Variants in CALU observed in about 807,000 individuals in gnomAD.
CALU encodes the protein IEF SSP 9302.
A neutral mutation model predicts 37.5 loss-of-function variants in CALU; 13 were observed. That is an observed-to-expected ratio of 0.35 (90% CI 0.23 to 0.55). CALU has a LOEUF of 0.55. Ranked by LOEUF, CALU falls within the 20% of genes least tolerant of loss-of-function variation. The pLI is 0.89. For missense variants in CALU, 282 were observed against 391.7 expected (o/e 0.72, Z 2.36); for synonymous variants, 114 against 133.8 (o/e 0.85, Z 1.02).
intron 1 of CALU, among the ~76,000 whole-genome samples, chr7:128,743,865 G>GT (rs1158818065): frequency 6.6e-6 from 1 of 152,092 alleles, no homozygotes; most frequent in Non-Finnish European, 1.5e-5. Context: ...CATTAACTTT[G>GT]TATCATTTGG....
intron 1 of CALU, chr7:128,748,320 T>G (rs1403725328): frequency 2.8e-6 from 4 of 1,427,584 alleles, no homozygotes; most frequent in Non-Finnish European, 3.7e-6. Context: ...AAAGTGGACA[T>G]TTTAACTATA....
intron 2 of CALU, 89 bp downstream of exon 2, chr7:128,748,893 A>G (rs1278331556): frequency 8.4e-6 from 7 of 836,484 alleles, no homozygotes; most frequent in Non-Finnish European, 1.3e-5. Context: ...GTTATGAGTA[A>G]AGTTATATTG....
chr7:128,772,589 T>C lies in CALU; in HGVS notation c.*3422T>C. 1 of 1,614,232 alleles carries C rather than the reference T, an allele frequency of 6.2e-7. No homozygotes were observed. On this transcript the variant is annotated 3_prime_UTR_variant, in exon 7 of 7. Transcript: ENST00000249364. ...CGAGACAGTAGAAACTTCTGTTTTC[T>C]GGGAGCTGCATGTGTCGGATTCATC...
intron 1 of CALU, chr7:128,748,255 T>G (rs377150640): frequency 1.3e-6 from 1 of 797,228 alleles, no homozygotes. Flanking sequence ...TTAATTCTTA[T>G]GAACTTGGGC....
intron 2 of CALU, among the ~76,000 whole-genome samples, chr7:128,749,099 T>G (rs575274676): frequency 1.8e-4 from 27 of 152,196 alleles, no homozygotes; most frequent in African/African-American, 6.5e-4. Flanking sequence ...GAACATAGCA[T>G]GGGGGGATTT....
chr7:128,768,851 A>AAAAAAAAAAAAACAAAAC (rs1562883564), intron 6 of CALU, among the ~76,000 whole-genome samples: 1 of 147,968 alleles, frequency 6.8e-6, no homozygotes, highest in Non-Finnish European at 1.5e-5. Flanking sequence ...CCGTCTCAAA[A>AAAAAAAAAAAAACAAAAC]AAAAAAAAAA....
intron 1 of CALU, among the ~76,000 whole-genome samples, chr7:128,741,066 A>C (rs1331079467): frequency 6.6e-6 from 1 of 152,182 alleles, no homozygotes; most frequent in East Asian, 1.9e-4. Context: ...TCTGTAACGT[A>C]GGTATACCAG....
chr7:128,749,361 A>G (rs1306976224), intron 2 of CALU, among the ~76,000 whole-genome samples: 1 of 152,212 alleles, frequency 6.6e-6, no homozygotes, highest in Non-Finnish European at 1.5e-5. Context: ...TTACTGTTTC[A>G]GTAACAGCAG....
chr7:128,743,519 T>A (rs574322895), intron 1 of CALU, among the ~76,000 whole-genome samples: 29 of 152,154 alleles, frequency 1.9e-4, no homozygotes, highest in African/African-American at 6.7e-4. Context: ...TTTAAACTTT[T>A]TTTTTTCTTT....
intron 3 of CALU, 195 bp downstream of exon 3, chr7:128,754,650 G>A (rs1563130736): frequency 6.4e-7 from 1 of 1,552,258 alleles, no homozygotes; most frequent in Non-Finnish European, 8.7e-7. Flanking sequence ...CCAATGGCAG[G>A]AGTTTGATAT....
In CALU at chr7:128,772,020, A is replaced by G. The variant is rs1208121985; in HGVS notation, c.*2853A>G. ...CTGCCAAAGCTGTAGCAGTTATCCA[A>G]AAGTTCTTTCAAACTCATATTTGGG... On this transcript the variant is annotated 3_prime_UTR_variant, in exon 7 of 7. Coordinates refer to ENST00000249364, the MANE Select transcript of CALU (RefSeq NM_001219.5). Among the ~76,000 whole-genome samples the G allele has an allele frequency of 6.6e-6, 1 of 151,460 alleles. No homozygotes were observed.
Position 128,759,852 on chromosome 7 carries a change from G to A in CALU, c.643G>A (p.Gly215Ser). Residue 215 changes from glycine (G) to serine (S), a missense_variant and splice_region_variant, in exon 5 of 7, where the codon GGT becomes AGT. Gly to Ser is a moderately conservative substitution (Grantham distance 56). Coordinates refer to ENST00000249364, the MANE Select transcript of CALU (RefSeq NM_001219.5). ...DGFIDLEEYI[G>S]DMYSHDGNTD... ...TTTCATTGATCTAGAAGAGTATATTGGTAAGTCTCTGCTTTTAGTGTTTTT... is the reference window on the plus strand; with the variant it reads ...TTTCATTGATCTAGAAGAGTATATTAGTAAGTCTCTGCTTTTAGTGTTTTT... The A allele has an allele frequency of 1.5e-6, 2 of 1,327,198 alleles. No individual in the cohort carries two copies. 82.2% of individuals were successfully genotyped at this position (1,327,198 alleles called of 1,614,324 possible).
chr7:128,742,403 C>T (rs1800272296), intron 1 of CALU, among the ~76,000 whole-genome samples: 1 of 152,230 alleles, frequency 6.6e-6, no homozygotes, highest in African/African-American at 2.4e-5. Context: ...AATTTTACTA[C>T]CACACCCATT....
rs182642975 is a variant in CALU, at chr7:128,755,646, G to A, written c.415+1191G>A. 1.2e-4 allele frequency among the ~76,000 whole-genome samples: 18 copies of A among 152,294 alleles called. No individual in the cohort carries two copies. In the East Asian group the frequency reaches 3.3e-3, roughly 28 times the overall value. Reference sequence around the variant, plus strand: ...TTTTTGTTGATTTGATAGCTTGTATGCTTGGGCCACCTGTTAGTAATTTTC... The same window carrying A: ...TTTTTGTTGATTTGATAGCTTGTATACTTGGGCCACCTGTTAGTAATTTTC... On this transcript the variant is annotated intron_variant, in intron 3 of 6. Transcript: ENST00000249364.
chr7:128,766,896 CTTGATGGCCAGAGGTACATTCTTA>C (rs754369743), intron 5 of CALU, among the ~76,000 whole-genome samples: 13 of 152,222 alleles, frequency 8.5e-5, no homozygotes, highest in Non-Finnish European at 1.3e-4. Context: ...GGAAAAAAGC[CTTGATGGCCAGAGGTACATTCTTA>C]TGAAGATCAA....
chr7:128,752,466 G>C (rs913276229), intron 2 of CALU, among the ~76,000 whole-genome samples: 3 of 152,024 alleles, frequency 2.0e-5, no homozygotes, highest in Non-Finnish European at 4.4e-5. Flanking sequence ...GAGGGGTTCT[G>C]GTTGCCCTTT....
intron 2 of CALU, among the ~76,000 whole-genome samples, 189 bp from the exon 3 acceptor site, chr7:128,754,073 C>G (rs902074763): frequency 2.6e-5 from 4 of 152,202 alleles, no homozygotes; most frequent in Admixed American, 1.3e-4. Flanking sequence ...CCAGCCATGA[C>G]TGTGTTGACC....
chr7:128,767,705 TA>T (rs1445672910), intron 6 of CALU, 50 bp downstream of exon 6: 1 of 1,443,112 alleles, frequency 6.9e-7, no homozygotes, highest in African/African-American at 1.4e-5. Context: ...AGTATGCTTC[TA>T]GGGGATCACC....
chr7:128,750,856 T>G (rs1336457224), intron 2 of CALU, among the ~76,000 whole-genome samples: 1 of 152,200 alleles, frequency 6.6e-6, no homozygotes, highest in Admixed American at 6.5e-5. Flanking sequence ...TAATAATAGC[T>G]AAAAGAACAC....
Sources: allele counts gnomAD v4.1 joint callset (sites outside exome capture counted in the v4.1 genomes callset), GRCh38; gene constraint gnomAD v4.1.1; transcripts MANE v1.5; gene names NCBI Gene and HGNC (gene_info 2026-07-23, HGNC 2026-07-21).